Variants in POTEJ observed in about 807,000 individuals in gnomAD.
POTEJ encodes POTE ankyrin domain family, member J.
Under a neutral mutation model 69.0 loss-of-function variants are expected in POTEJ, and 11 were observed. The observed-to-expected ratio is 0.16, with a 90% CI of 0.10 to 0.26. POTEJ has a LOEUF of 0.26. Among genes scored for constraint, POTEJ ranks in the 10% least tolerant of loss-of-function variants. The probability of loss-of-function intolerance (pLI) is 1.00; values close to 1 mark genes in which losing one functional copy is unlikely to be tolerated. For missense variants in POTEJ, 327 were observed against 1,045.5 expected (o/e 0.31, Z 9.48); for synonymous variants, 117 against 381.1 (o/e 0.31, Z 8.07).
At chr2:130,612,892 T>C (rs561511659) in intron 1 of POTEJ, among the ~76,000 whole-genome samples, 117 of 138,134 alleles carry the variant, frequency 8.5e-4, no homozygotes, top group African/African-American at 2.9e-3. Context: ...GATAAATTAA[T>C]TTTTTGTAAC....
Position 130,657,426 on chromosome 2 carries a change from A to T in POTEJ, c.2666A>T (p.Glu889Val), listed in dbSNP as rs1687053457. 4 of 1,600,602 alleles carry T rather than the reference A, an allele frequency of 2.5e-6. No individual in the cohort carries two copies. Among genetic ancestry groups the T allele is most frequent in the East Asian group, 2.2e-5 (1 of 44,870 alleles). ...TATGTTGCCCTGGACTTCGAGCAGG[A>T]GATGGCCATGGTGGCCTCCAGCTCC... Reference protein sequence around the residue: ...LCYVALDFEQEMAMVASSSSL... With the variant: ...LCYVALDFEQVMAMVASSSSL... The change falls in exon 15 of 15, where the codon GAG becomes GTG. Residue 889 changes from glutamate (E) to valine (V), a missense_variant. Glu to Val is a moderately radical substitution (Grantham distance 121). Coordinates refer to ENST00000409602, the MANE Select transcript of POTEJ (RefSeq NM_001277083.2).
At chr2:130,649,425 A>G (rs1686719751) in intron 13 of POTEJ, among the ~76,000 whole-genome samples, 3 of 152,202 alleles carry the variant, frequency 2.0e-5, no homozygotes, top group South Asian at 4.1e-4. Context: ...GTCTATCTGA[A>G]GAATATATCC....
intron 9 of POTEJ, among the ~76,000 whole-genome samples, chr2:130,638,049 TTAA>T (rs1312089228): frequency 6.7e-6 from 1 of 148,440 alleles, no homozygotes; most frequent in Non-Finnish European, 1.5e-5. Flanking sequence ...AAATTAGGAC[TTAA>T]TAACGTTTCC....
intron 5 of POTEJ, chr2:130,622,811 A>G (rs1412580326): frequency 6.6e-6 from 1 of 151,782 alleles, no homozygotes; most frequent in Non-Finnish European, 1.5e-5. Flanking sequence ...ATGACGCATC[A>G]CTAATCATGT....
intron 13 of POTEJ, among the ~76,000 whole-genome samples, chr2:130,648,823 C>G (rs1686693429): frequency 2.0e-5 from 1 of 49,466 alleles, no homozygotes; most frequent in African/African-American, 1.2e-4. Context: ...GACAGAGTCT[C>G]GCTTTGTCCC....
intron 10 of POTEJ, among the ~76,000 whole-genome samples, chr2:130,641,115 A>G (rs1331359625): frequency 1.4e-4 from 21 of 152,144 alleles, no homozygotes; most frequent in African/African-American, 3.9e-4. Context: ...ATGTAAGCAA[A>G]CAGGCATGAC....
intron 10 of POTEJ, among the ~76,000 whole-genome samples, chr2:130,640,231 G>A (rs1273837002): frequency 7.0e-6 from 1 of 143,294 alleles, no homozygotes; most frequent in African/African-American, 2.7e-5. Flanking sequence ...AGGAAGAGCA[G>A]CAAGTGCAGA....
chr2:130,647,516 T>C (rs1229490127), intron 13 of POTEJ, among the ~76,000 whole-genome samples: 46 of 152,122 alleles, frequency 3.0e-4, no homozygotes, highest in Admixed American at 2.2e-3. Flanking sequence ...TGCAAAGAGC[T>C]AGTTAGTAAA....
At chr2:130,626,940 G>A (rs1457879849) in intron 6 of POTEJ, among the ~76,000 whole-genome samples, 1 of 152,128 alleles carries the variant, frequency 6.6e-6, no homozygotes, top group East Asian at 1.9e-4. Context: ...TTTTGTAAAT[G>A]TTTGTGTTCC....
intron 13 of POTEJ, among the ~76,000 whole-genome samples, chr2:130,652,975 A>G (rs1302577682): frequency 9.2e-5 from 13 of 141,914 alleles, no homozygotes; most frequent in Admixed American, 2.1e-4. Flanking sequence ...CTTTGTTAGC[A>G]TCATAATTTT....
chr2:130,625,400 T>C (rs1363592475), intron 6 of POTEJ, among the ~76,000 whole-genome samples: 1 of 151,770 alleles, frequency 6.6e-6, no homozygotes, highest in African/African-American at 2.4e-5. Context: ...GTCATTTTCA[T>C]TATTTTACTA....
At chr2:130,649,534 C>T (rs1275692106) in intron 13 of POTEJ, among the ~76,000 whole-genome samples, 1 of 151,930 alleles carries the variant, frequency 6.6e-6, no homozygotes, top group Non-Finnish European at 1.5e-5. Context: ...AAAAGCTTCC[C>T]CTTTCATCAA....
intron 13 of POTEJ, among the ~76,000 whole-genome samples, chr2:130,650,395 T>C (rs1186233763): frequency 0.015 from 2,214 of 150,796 alleles, 9 homozygotes; most frequent in African/African-American, 0.052. Context: ...ATCTGTCTGT[T>C]GTTATTGTGT....
chr2:130,637,962 A>T (rs1686172274), intron 9 of POTEJ, among the ~76,000 whole-genome samples: 1 of 147,544 alleles, frequency 6.8e-6, no homozygotes, highest in African/African-American at 2.5e-5. Flanking sequence ...TATTTATGAA[A>T]AAATTTAGTT....
chr2:130,641,748 A>G (rs1346617234), intron 10 of POTEJ, among the ~76,000 whole-genome samples: 2 of 152,122 alleles, frequency 1.3e-5, no homozygotes, highest in African/African-American at 4.8e-5. Context: ...TTCGTGTAGG[A>G]TATTTTGAGT....
intron 9 of POTEJ, among the ~76,000 whole-genome samples, chr2:130,638,011 C>G (rs558794191): frequency 6.8e-6 from 1 of 147,706 alleles, no homozygotes; most frequent in South Asian, 2.1e-4. Flanking sequence ...GAATTAGAAG[C>G]CATAAAGAGT....
intron 11 of POTEJ, among the ~76,000 whole-genome samples, chr2:130,644,447 T>A: frequency 6.6e-6 from 1 of 152,096 alleles, no homozygotes; most frequent in Non-Finnish European, 1.5e-5. Context: ...CCAGCCTGGG[T>A]GACAGAGCGA....
chr2:130,631,820 G>T lies in POTEJ; in HGVS notation c.1131+367G>T, dbSNP rs1441803438. ...TATCTTCCAGCTAGATAATTGTATG[G>T]CTATTCAATGTGAAATTTGGGGAGC... On this transcript the variant is annotated intron_variant, in intron 8 of 14. Transcript: ENST00000409602. Among the ~76,000 whole-genome samples, 2 of 142,636 alleles carry T rather than the reference G, an allele frequency of 1.4e-5. 1 individual carries two copies. The highest frequency in any genetic ancestry group is 3.0e-5 in the Non-Finnish European group (2 of 65,720). 93.6% of individuals were successfully genotyped at this position (142,636 alleles called of 152,430 possible).
chr2:130,632,904 C>T lies in POTEJ; in HGVS notation c.1298+248C>T, dbSNP rs1383184917. On this transcript the variant is annotated intron_variant, in intron 9 of 14. Coordinates refer to ENST00000409602, the MANE Select transcript of POTEJ (RefSeq NM_001277083.2). Reference sequence around the variant, plus strand: ...TTTCTTTTCTTTTTAGTGAACTTTTCTTTTAGTTTCAGGGGTACATGTGCA... The same window carrying T: ...TTTCTTTTCTTTTTAGTGAACTTTTTTTTTAGTTTCAGGGGTACATGTGCA... Among the ~76,000 whole-genome samples, 74 of 146,764 alleles carry T rather than the reference C, an allele frequency of 5.0e-4. 1 individual carries two copies. The highest frequency in any genetic ancestry group is 1.6e-4 in the Non-Finnish European group (11 of 66,816).
Sources: allele counts gnomAD v4.1 joint callset (sites outside exome capture counted in the v4.1 genomes callset), GRCh38; gene constraint gnomAD v4.1.1; transcripts MANE v1.5; gene names NCBI Gene and HGNC (gene_info 2026-07-23, HGNC 2026-07-21).